The following DMD variants were observed in gnomAD, a reference collection of about 807,000 sequenced individuals.
The protein encoded by DMD is mutant dystrophin.
A neutral mutation model predicts 330.1 loss-of-function variants in DMD; 63 were observed. That is an observed-to-expected ratio of 0.19 (90% CI 0.16 to 0.24). DMD has a LOEUF of 0.24. Among genes scored for constraint, DMD ranks in the 10% least tolerant of loss-of-function variants. The pLI, the probability that DMD is intolerant of heterozygous loss-of-function variation, is 1.00. For synonymous variants in DMD, 1,223 were observed against 959.8 expected, an observed-to-expected ratio of 1.27 and a Z score of -5.07; for missense variants, 3,344 against 2,684.1, an observed-to-expected ratio of 1.25 and a Z score of -5.43.
chrX:31,407,737 C>T (rs779493262), intron 60 of DMD, among the ~76,000 whole-genome samples: 56 of 110,026 alleles, frequency 5.1e-4, no homozygotes, highest in Admixed American at 1.2e-3. Context: ...GCCTCGGCCT[C>T]TCAAAGTGCT....
At chrX:31,475,172 C>T (rs2067657726) in intron 59 of DMD, among the ~76,000 whole-genome samples, 1 of 111,358 alleles carries the variant, frequency 9.0e-6, no homozygotes, top group Non-Finnish European at 1.9e-5. Flanking sequence ...GATAGATGTG[C>T]TGGGTTATAA....
chrX:32,837,557 C>A (rs1025024544), intron 4 of DMD, among the ~76,000 whole-genome samples: 1 of 111,338 alleles, frequency 9.0e-6, no homozygotes. Flanking sequence ...CATGTGAATC[C>A]CTGCATTCTT....
intron 43 of DMD, among the ~76,000 whole-genome samples, chrX:32,227,713 C>CA (rs1226231553): frequency 9.0e-6 from 1 of 110,679 alleles, no homozygotes; most frequent in Non-Finnish European, 1.9e-5. Context: ...TTTATACAAA[C>CA]AAAAAAATAA....
intron 45 of DMD, among the ~76,000 whole-genome samples, chrX:31,964,685 T>A (rs1308199150): frequency 9.1e-6 from 1 of 109,669 alleles, no homozygotes; most frequent in African/African-American, 3.3e-5. Flanking sequence ...AAAAAAAGCA[T>A]ATATGGCAAA....
intron 10 of DMD, 101 bp from the exon 11 acceptor site, chrX:32,644,414 G>C (rs776128422): frequency 1.2e-4 from 106 of 870,446 alleles, no homozygotes; most frequent in Non-Finnish European, 1.8e-4. Flanking sequence ...GGCCCATTTA[G>C]ATTTATATTC....
chrX:31,202,205 A>C (rs1331115629), intron 67 of DMD, among the ~76,000 whole-genome samples: 2 of 111,921 alleles, frequency 1.8e-5, no homozygotes, highest in Non-Finnish European at 3.8e-5. Context: ...CAAAACAAAA[A>C]AAACACACAA....
chrX:32,527,668 A>G (rs1033650443), intron 17 of DMD, among the ~76,000 whole-genome samples: 1 of 111,673 alleles, frequency 9.0e-6, no homozygotes, highest in Admixed American at 9.6e-5. Flanking sequence ...GAAATTCAGT[A>G]TAAATCCTAT....
chrX:32,131,035 A>G (rs1416375150), intron 44 of DMD, among the ~76,000 whole-genome samples: 1 of 110,748 alleles, frequency 9.0e-6, no homozygotes, highest in Non-Finnish European at 1.9e-5. Context: ...AAATACAAAA[A>G]TTAGCCAGGC....
chrX:33,186,675 A>G (rs1339326045), intron 1 of DMD, among the ~76,000 whole-genome samples: 1 of 111,464 alleles, frequency 9.0e-6, no homozygotes, highest in Non-Finnish European at 1.9e-5. Context: ...AGAAACTTTG[A>G]AAAAAATAAA....
In DMD at chrX:31,444,395, A is replaced by G. The variant is rs2065140401; in HGVS notation, c.9084+86T>C. 7 of 1,071,252 alleles carry G rather than the reference A, an allele frequency of 6.5e-6. No individual in the cohort carries two copies. The Middle Eastern group carries it at 1.2e-3, about 188-fold the overall frequency. The allele number at this position is 1,071,252 out of a possible 1,213,427, so 88.3% of individuals were successfully genotyped here. ...AAATATTACCATGAACATTACATGA[A>G]AAAAGTACTTTCATTGTTCTTTACA... On this transcript the variant is annotated intron_variant, in intron 60 of 78. Transcript: ENST00000357033.
intron 2 of DMD, among the ~76,000 whole-genome samples, chrX:33,016,017 C>T (rs1033206884): frequency 1.8e-5 from 2 of 110,802 alleles, no homozygotes; most frequent in African/African-American, 6.6e-5. Flanking sequence ...GTAACAAAAG[C>T]CCACCAAGAG....
chrX:32,773,697 TAAC>T (rs1168315350), intron 7 of DMD, among the ~76,000 whole-genome samples: 1 of 110,514 alleles, frequency 9.0e-6, no homozygotes, highest in Non-Finnish European at 1.9e-5. Flanking sequence ...TGATTTCACT[TAAC>T]AATGTCCTCC....
Position 32,844,807 on chromosome X carries a change from T to A in DMD, c.240A>T (p.Ala80=), listed in dbSNP as rs767666771. 8.3e-7 allele frequency: 1 copy of A among 1,211,675 alleles called. No individual in the cohort carries two copies. The highest frequency in any genetic ancestry group is 1.1e-6 in the Non-Finnish European group (1 of 895,224). Residue 80 remains alanine (A), a synonymous_variant, in exon 4 of 79, where the codon GCA becomes GCT. Coordinates refer to ENST00000357033, the MANE Select transcript of DMD (RefSeq NM_004006.3). The part of the protein sequence containing the change: ...RVHALNNVNK[A]LRVLQNNNVD... ...CATTATTGTTCTGCAAAACCCGCAG[T>A]GCCTTGTTGACATTGTTCAGGGCAT...
At chrX:31,965,387 A>G (rs1271977163) in intron 45 of DMD, among the ~76,000 whole-genome samples, 2 of 111,634 alleles carry the variant, frequency 1.8e-5, no homozygotes, top group African/African-American at 6.5e-5. Flanking sequence ...CACATATAAT[A>G]AGTACTGCAG....
At chrX:31,298,444 CAT>C (rs1449527632) in intron 62 of DMD, among the ~76,000 whole-genome samples, 3 of 110,178 alleles carry the variant, frequency 2.7e-5, no homozygotes, top group African/African-American at 9.9e-5. Context: ...CACACACACA[CAT>C]ACAGAGTAAT....
intron 43 of DMD, among the ~76,000 whole-genome samples, chrX:32,218,824 T>A (rs1236411882): frequency 4.5e-5 from 5 of 111,732 alleles, no homozygotes; most frequent in African/African-American, 6.5e-5. Context: ...AACCCAAATA[T>A]CTCTTGTTTC....
intron 9 of DMD, among the ~76,000 whole-genome samples, chrX:32,657,168 T>G (rs938298962): frequency 3.6e-5 from 4 of 110,507 alleles, no homozygotes; most frequent in Non-Finnish European, 7.6e-5. Context: ...TCTTGGCTAT[T>G]ATAATCCACA....
chrX:32,601,653 C>T (rs2056221650), intron 12 of DMD, among the ~76,000 whole-genome samples: 1 of 99,349 alleles, frequency 1.0e-5, no homozygotes, highest in African/African-American at 3.5e-5. Flanking sequence ...AAACTGTAGT[C>T]AAAAGTGTAG....
intron 2 of DMD, among the ~76,000 whole-genome samples, chrX:32,983,856 A>G (rs2092775763): frequency 9.0e-6 from 1 of 111,278 alleles, no homozygotes; most frequent in South Asian, 3.8e-4. Context: ...ATTGAGAATC[A>G]TCTTGCTCTG....
Sources: gnomAD v4.1 joint callset for allele counts (sites outside exome capture counted in the v4.1 genomes callset) on GRCh38, gnomAD v4.1.1 for gene constraint, MANE v1.5 for transcripts, NCBI Gene and HGNC (gene_info 2026-07-23, HGNC 2026-07-21) for gene names.